ABCD4: variants seen among roughly 807,000 people sequenced by gnomAD.
ABCD4 encodes ATP binding cassette subfamily D member 4, also known as lysosomal cobalamin transporter ABCD4.
In ABCD4, 53 loss-of-function variants were observed where a neutral mutation model predicts 86.3. The ratio of observed to expected loss-of-function variants is 0.61; its 90% CI spans 0.49 to 0.77. The LOEUF (loss-of-function observed/expected upper bound fraction) is 0.77. ABCD4 is among the 30% of genes least tolerant of loss of function. ABCD4 has a pLI of 0.00. For synonymous variants in ABCD4, 328 were observed against 313.6 expected, an observed-to-expected ratio of 1.05 and a Z score of -0.49; for missense variants, 757 against 764.5, an observed-to-expected ratio of 0.99 and a Z score of 0.12.
chr14:74,302,224 C>T (rs898197466), intron 1 of ABCD4, among the ~76,000 whole-genome samples: 1 of 152,120 alleles, frequency 6.6e-6, no homozygotes, highest in Non-Finnish European at 1.5e-5. Context: ...ATCTATCCAC[C>T]ACTAGGGGAA....
At chr14:74,296,475 G>T in intron 4 of ABCD4, 26 bp from the exon 5 acceptor site, 1 of 1,609,052 alleles carries the variant, frequency 6.2e-7, no homozygotes, top group Non-Finnish European at 8.5e-7. Context: ...CAGAGTAGCT[G>T]GACCCAGGGA....
chr14:74,286,623 T>TG, intron 18 of ABCD4, 78 bp downstream of exon 18: 1 of 1,612,442 alleles, frequency 6.2e-7, no homozygotes, highest in South Asian at 1.1e-5. Context: ...CTCCCCGTTT[T>TG]GAGGGGCCTC....
chr14:74,292,460 A>C (rs1466918667), intron 10 of ABCD4, 84 bp from the exon 11 acceptor site: 1 of 1,586,488 alleles, frequency 6.3e-7, no homozygotes, highest in Admixed American at 1.7e-5. Flanking sequence ...CCACGAGTAC[A>C]TGGTATGTCT....
intron 4 of ABCD4, 31 bp from the exon 5 acceptor site, chr14:74,296,480 C>T: frequency 6.2e-7 from 1 of 1,602,956 alleles, no homozygotes; most frequent in African/African-American, 1.3e-5. Context: ...TAGCTGGACC[C>T]AGGGAGATGG....
Position 74,299,083 on chromosome 14 carries a change from G to C in ABCD4, c.285+465C>G, listed in dbSNP as rs1324334987. ...TGACAACGGAGGGATGACGAAGAGT[G>C]AGCAGGTGGTAGCCCCCCTACTGAA... On this transcript the variant is annotated intron_variant, in intron 3 of 18. Coordinates refer to ENST00000356924, the MANE Select transcript of ABCD4 (RefSeq NM_005050.4). 3 of 157,210 alleles carry C rather than the reference G, an allele frequency of 1.9e-5. No individual in the cohort carries two copies. In the East Asian group the frequency reaches 5.7e-4, roughly 30 times the overall value. The allele number at this position is 157,210 out of a possible 1,614,324, so 9.7% of individuals were successfully genotyped here.
intron 7 of ABCD4, chr14:74,294,512 T>C: frequency 6.7e-6 from 1 of 149,746 alleles, no homozygotes; most frequent in South Asian, 2.1e-4. Flanking sequence ...CCACCCCAAG[T>C]ACAGAGCCAA....
chr14:74,290,864 G>T (rs2081319887), intron 11 of ABCD4, among the ~76,000 whole-genome samples: 1 of 151,808 alleles, frequency 6.6e-6, no homozygotes, highest in East Asian at 1.9e-4. Flanking sequence ...GTAGAGACAG[G>T]GTTTCACTAT....
rs1031654972 is a variant in ABCD4, at chr14:74,293,398, G to A, written c.720-150C>T. On this transcript the variant is annotated intron_variant, in intron 7 of 18. Transcript: ENST00000356924. ...CTGTCTACTGGTAGCGCCCATTCAC[G>A]GCTTCAGTCATGCCTTAATGGTATT... 13 of 629,044 alleles carry A rather than the reference G, an allele frequency of 2.1e-5. No homozygotes were observed. The East Asian group carries it at 2.8e-4, about 14-fold the overall frequency. The allele number at this position is 629,044 out of a possible 1,614,324, so 39.0% of individuals were successfully genotyped here. A position where few individuals can be genotyped will look rare whatever the true frequency, so the allele number is the denominator to read the frequency against.
intron 4 of ABCD4, 139 bp downstream of exon 4, chr14:74,297,791 C>A: frequency 7.1e-7 from 1 of 1,416,410 alleles, no homozygotes; most frequent in Non-Finnish European, 9.2e-7. Context: ...GCAGGGCACC[C>A]TCCCCCATGA....
Position 74,293,216 on chromosome 14 carries a change from C to T in ABCD4, c.752G>A (p.Arg251His), listed in dbSNP as rs139315421. Residue 251 changes from arginine (R) to histidine (H), a missense_variant, in exon 8 of 19, where the codon CGC (arginine) becomes CAC (histidine). By Grantham distance (29) the Arg-to-His change is conservative. Coordinates refer to ENST00000356924, the MANE Select transcript of ABCD4 (RefSeq NM_005050.4). ...AGHVEHMRTD[R>H]RLQRLLQTQR... The stretch of plus-strand genomic sequence containing the variant: ...GGTCTGAAGGAGTCTCTGCAGCCTG[C>T]GGTCTGTCCTCATGTGCTCCACATG... 879 of 1,614,140 alleles carry T rather than the reference C, an allele frequency of 5.4e-4. No homozygotes were observed. The highest frequency in any genetic ancestry group is 7.0e-4 in the Non-Finnish European group (826 of 1,180,022).
Position 74,287,756 on chromosome 14 carries a change from C to T in ABCD4, c.1636+54G>A, listed in dbSNP as rs2080205273. 7.9e-6 allele frequency: 12 copies of T among 1,510,726 alleles called. 1 individual carries two copies. The East Asian group carries it at 2.9e-4, about 36-fold the overall frequency. The allele number at this position is 1,510,726 out of a possible 1,614,324, so 93.6% of individuals were successfully genotyped here. A position where few individuals can be genotyped will look rare whatever the true frequency, so the allele number is the denominator to read the frequency against. On this transcript the variant is annotated intron_variant, in intron 17 of 18. Coordinates refer to ENST00000356924, the MANE Select transcript of ABCD4 (RefSeq NM_005050.4). ...GGGTGCCTGTGAACACATGCTGCTACACCCGTGAGTGCAGACAGCGCATGG... is the reference window on the plus strand; with the variant it reads ...GGGTGCCTGTGAACACATGCTGCTATACCCGTGAGTGCAGACAGCGCATGG...
chr14:74,290,127 C>T lies in ABCD4; in HGVS notation c.1328-9G>A. ...CAGCATCTGCACTGAGCCTGCAGAGCCCACAGAAACCTCCATTGTGAGATC... is the reference window on the plus strand; with the variant it reads ...CAGCATCTGCACTGAGCCTGCAGAGTCCACAGAAACCTCCATTGTGAGATC... On this transcript the variant is annotated splice_polypyrimidine_tract_variant and intron_variant, in intron 12 of 18. Coordinates refer to ENST00000356924, the MANE Select transcript of ABCD4 (RefSeq NM_005050.4). 6.2e-7 allele frequency: 1 copy of T among 1,614,082 alleles called. No individual in the cohort carries two copies. The highest frequency in any genetic ancestry group is 8.5e-7 in the Non-Finnish European group (1 of 1,179,974).
rs1352432190 is a variant in ABCD4 at position 74,300,604 on chromosome 14, A to C, written c.39-336T>G. ...GCAAAACTCCGTCTCAAAAAAAAAA[A>C]AAAAACCAAAAACAAAAAACTTAAA... is the stretch of plus-strand genomic sequence containing the variant. On this transcript the variant is annotated intron_variant, in intron 1 of 18. Coordinates refer to ENST00000356924, the MANE Select transcript of ABCD4 (RefSeq NM_005050.4). Among the ~76,000 whole-genome samples, 3 of 151,940 alleles carry C rather than the reference A, an allele frequency of 2.0e-5. No individual in the cohort carries two copies. The East Asian group carries it at 5.8e-4, about 29-fold the overall frequency.
chr14:74,295,966 C>A lies in ABCD4; in HGVS notation c.556G>T (p.Gly186Trp). The A allele has an allele frequency of 1.2e-6, 2 of 1,607,414 alleles. No individual in the cohort carries two copies. Among genetic ancestry groups the A allele is most frequent in the Non-Finnish European group, 1.7e-6 (2 of 1,178,272 alleles). ...AAATACCCGAAGATGCTCACAGGCC[C>A]GAGCCAGCCTGTGCTGAAATAGAGA... ...YQCFQSTGWL[G>W]PVSIFGYFIL... The change falls in exon 6 of 19, where the codon GGG becomes TGG. Residue 186 changes from glycine (G) to tryptophan (W), a missense_variant. Transcript: ENST00000356924.
intron 1 of ABCD4, among the ~76,000 whole-genome samples, chr14:74,301,805 G>A (rs933837242): frequency 6.6e-5 from 10 of 152,130 alleles, no homozygotes; most frequent in African/African-American, 1.9e-4. Flanking sequence ...GGAGGCTGAG[G>A]CAGAAGAATC....
rs150967109 is a variant in ABCD4, at chr14:74,296,441, C to T, written c.434G>A (p.Arg145His). ...GAATCGCTCCACGTCCTGGCTGATG[C>T]GCTGGTCCCTGGAGCCAATGACACA... ...LRDDIDNPDQ[R>H]ISQDVERFCR... Residue 145 changes from arginine to histidine, a missense_variant, in exon 5 of 19, where the codon CGC (arginine) becomes CAC (histidine). By Grantham distance (29) the Arg-to-His change is conservative. Transcript: ENST00000356924. 26 of 1,613,820 alleles carry T rather than the reference C, an allele frequency of 1.6e-5. No homozygotes were observed. The Middle Eastern group carries it at 9.9e-4, about 61-fold the overall frequency.
In ABCD4 at chr14:74,296,150, A is replaced by G. The variant is rs114200701; in HGVS notation, c.543-171T>C. Among the ~76,000 whole-genome samples, 2,276 of 152,266 alleles carry G rather than the reference A, an allele frequency of 0.015. 34 individuals carry two copies. The highest frequency in any genetic ancestry group is 0.041 in the Middle Eastern group (12 of 294). On this transcript the variant is annotated intron_variant, in intron 5 of 18. Transcript: ENST00000356924. Reference sequence around the variant, plus strand: ...TCTGGTATGAGCTCTCAGAGCCAGGATATCTGTGACACTGCAACACAGGGC... The same window carrying G: ...TCTGGTATGAGCTCTCAGAGCCAGGGTATCTGTGACACTGCAACACAGGGC...
intron 15 of ABCD4, 130 bp from the exon 16 acceptor site, chr14:74,288,389 C>A (rs1314099696): frequency 2.2e-6 from 2 of 889,280 alleles, no homozygotes; most frequent in Non-Finnish European, 3.4e-6. Flanking sequence ...AGTGGCATAC[C>A]AAGGCGGGGG....
At chr14:74,292,957 G>C in intron 8 of ABCD4, 88 bp from the exon 9 acceptor site, 1 of 1,581,614 alleles carries the variant, frequency 6.3e-7, no homozygotes, top group Non-Finnish European at 8.6e-7. Context: ...AGGACGCCAA[G>C]TAGGGCCACG....
Sources: gnomAD v4.1 joint callset for allele counts (sites outside exome capture counted in the v4.1 genomes callset) on GRCh38, gnomAD v4.1.1 for gene constraint, MANE v1.5 for transcripts, NCBI Gene and HGNC (gene_info 2026-07-23, HGNC 2026-07-21) for gene names.